The following STRIP2 variants were observed in gnomAD, a reference collection of about 807,000 sequenced individuals.
The protein encoded by STRIP2 is striatin-interacting protein 2.
Under a neutral mutation model 107.1 loss-of-function variants are expected in STRIP2, and 84 were observed. The ratio of observed to expected loss-of-function variants is 0.78; its 90% CI spans 0.66 to 0.94. STRIP2 has a LOEUF of 0.94. STRIP2 is among the 40% of genes least tolerant of loss of function. The pLI, the probability that STRIP2 is intolerant of heterozygous loss-of-function variation, is 0.00. For synonymous variants in STRIP2, 394 were observed against 400.4 expected, an observed-to-expected ratio of 0.98 and a Z score of 0.19; for missense variants, 888 against 1,034.2, an observed-to-expected ratio of 0.86 and a Z score of 1.94.
intron 16 of STRIP2, among the ~76,000 whole-genome samples, chr7:129,465,245 A>G (rs965274511): frequency 1.7e-4 from 26 of 152,154 alleles, no homozygotes; most frequent in African/African-American, 5.1e-4. Flanking sequence ...ACTGGTTGCT[A>G]TGGAAACATC....
intron 16 of STRIP2, among the ~76,000 whole-genome samples, chr7:129,465,455 C>G (rs1798647992): frequency 6.6e-6 from 1 of 152,102 alleles, no homozygotes; most frequent in African/African-American, 2.4e-5. Flanking sequence ...GGAGTTCTGC[C>G]TGGGGCGGGG....
At chr7:129,459,229 C>T (rs888761377) in intron 11 of STRIP2, among the ~76,000 whole-genome samples, 1 of 152,124 alleles carries the variant, frequency 6.6e-6, no homozygotes, top group Non-Finnish European at 1.5e-5. Context: ...GTCAAGGTGT[C>T]ATTGGGCTAT....
rs1255110009 is a variant in STRIP2, at chr7:129,463,955, CTT to C, written c.1552-85_1552-84del. 8 of 1,011,634 alleles carry C rather than the reference CTT, an allele frequency of 7.9e-6. No homozygotes were observed. In the East Asian group the frequency reaches 1.7e-4, roughly 22 times the overall value. The allele number at this position is 1,011,634 out of a possible 1,614,324, so 62.7% of individuals were successfully genotyped here. On this transcript the variant is annotated intron_variant, in intron 14 of 20. Coordinates refer to ENST00000249344, the MANE Select transcript of STRIP2 (RefSeq NM_020704.3). ...GAACTTACAGAATGGCTTTAAAACACTTTTTATAGGGCGGTTAGGGTGTGGAA... is the reference window on the plus strand; with the variant it reads ...GAACTTACAGAATGGCTTTAAAACACTTTATAGGGCGGTTAGGGTGTGGAA...
chr7:129,441,336 C>T (rs1223369236), intron 2 of STRIP2, among the ~76,000 whole-genome samples: 2 of 151,956 alleles, frequency 1.3e-5, no homozygotes, highest in African/African-American at 4.8e-5. Context: ...AAGATGTGCA[C>T]ATATTGTGAC....
chr7:129,439,991 C>A (rs746275880), intron 1 of STRIP2, 31 bp from the exon 2 acceptor site: 1 of 1,592,600 alleles, frequency 6.3e-7, no homozygotes, highest in Non-Finnish European at 8.6e-7. Flanking sequence ...TCCAAGTTAT[C>A]CCAGTTACCA....
intron 3 of STRIP2, among the ~76,000 whole-genome samples, chr7:129,448,575 T>A (rs1798098550): frequency 6.6e-6 from 1 of 152,172 alleles, no homozygotes; most frequent in Non-Finnish European, 1.5e-5. Flanking sequence ...GTTTTCTGCT[T>A]GTATAAAGTA....
intron 8 of STRIP2, among the ~76,000 whole-genome samples, chr7:129,456,152 T>G (rs1391506208): frequency 6.7e-6 from 1 of 149,420 alleles, no homozygotes; most frequent in Non-Finnish European, 1.5e-5. Context: ...TTTTTTTTCT[T>G]TTTTTTTTTT....
At chr7:129,472,776 C>CTTTTTT (rs1798822125) in intron 18 of STRIP2, among the ~76,000 whole-genome samples, 8 of 78,262 alleles carry the variant, frequency 1.0e-4, no homozygotes, top group South Asian at 4.1e-4. Context: ...TTTTCTTTTC[C>CTTTTTT]TTTTTTTTTT....
intron 4 of STRIP2, 35 bp downstream of exon 4, chr7:129,451,782 G>C: frequency 6.2e-7 from 1 of 1,611,314 alleles, no homozygotes; most frequent in Non-Finnish European, 8.5e-7. Flanking sequence ...TAGAGGGGTG[G>C]AGGCTTGAGA....
Position 129,444,058 on chromosome 7 carries a change from C to A in STRIP2, c.234C>A (p.Thr78=). The change falls in exon 3 of 21, where the codon ACC becomes ACA. Residue 78 remains threonine (T), a synonymous_variant. Coordinates refer to ENST00000249344, the MANE Select transcript of STRIP2 (RefSeq NM_020704.3). ...LYSYTENLEF[T]NNRRCFEEDF... is the part of the protein sequence containing the mutation. Reference sequence around the variant, plus strand: ...GTTACACTGAGAACCTGGAATTCACCAATAACAGGAGGTGCTTTGAAGAAG... The same window carrying A: ...GTTACACTGAGAACCTGGAATTCACAAATAACAGGAGGTGCTTTGAAGAAG... The A allele has an allele frequency of 6.2e-7, 1 of 1,613,708 alleles. No homozygotes were observed.
At chr7:129,477,044 GCGCGCC>G (rs1798977106) in intron 18 of STRIP2, among the ~76,000 whole-genome samples, 1 of 151,630 alleles carries the variant, frequency 6.6e-6, no homozygotes, top group Admixed American at 6.6e-5. Context: ...GCGTGGCGGC[GCGCGCC>G]TGCAATCGCA....
chr7:129,481,935 A>G (rs1255863108), intron 19 of STRIP2, among the ~76,000 whole-genome samples: 2 of 152,036 alleles, frequency 1.3e-5, no homozygotes, highest in African/African-American at 4.8e-5. Context: ...CGGAAGGCCA[A>G]GGTGGGAGGA....
rs150647404 is a variant in STRIP2 at position 129,474,767 on chromosome 7, C to T, written c.1944+4052C>T. Among the ~76,000 whole-genome samples the T allele has an allele frequency of 2.5e-3, 381 of 152,324 alleles. 2 individuals carry two copies. The highest frequency in any genetic ancestry group is 7.7e-3 in the African/African-American group (318 of 41,568). On this transcript the variant is annotated intron_variant, in intron 18 of 20. Coordinates refer to ENST00000249344, the MANE Select transcript of STRIP2 (RefSeq NM_020704.3). ...CCACAAATGATCCACCTGCCTCAGC[C>T]TCCCAAAGTGCTGGGATTATAGGCC...
intron 3 of STRIP2, among the ~76,000 whole-genome samples, chr7:129,446,842 C>A (rs959596285): frequency 3.9e-5 from 6 of 152,174 alleles, no homozygotes; most frequent in African/African-American, 1.4e-4. Context: ...CTGTGCACGA[C>A]CCACTTTATG....
chr7:129,484,070 C>A (rs1406505152), intron 20 of STRIP2, among the ~76,000 whole-genome samples: 1 of 152,166 alleles, frequency 6.6e-6, no homozygotes, highest in Non-Finnish European at 1.5e-5. Context: ...CCACCTCCAC[C>A]ATTAATGCTA....
rs1474322973 is a variant in STRIP2 at position 129,486,658 on chromosome 7, A to G, written c.*829A>G. The stretch of plus-strand genomic sequence containing the variant: ...TCATCTAATTCATTTTTTAAATGAC[A>G]AGTTAACTACAGGAGGCTTTATTTA... On this transcript the variant is annotated 3_prime_UTR_variant, in exon 21 of 21. Transcript: ENST00000249344. 6.7e-6 allele frequency: 1 copy of G among 148,246 alleles called. No homozygotes were observed. The highest frequency in any genetic ancestry group is 6.8e-5 in the Admixed American group (1 of 14,796). The allele number at this position is 148,246 out of a possible 1,614,324, so 9.2% of individuals were successfully genotyped here.
At chr7:129,448,372 C>T (rs1463008154) in intron 3 of STRIP2, among the ~76,000 whole-genome samples, 2 of 152,168 alleles carry the variant, frequency 1.3e-5, no homozygotes, top group Admixed American at 1.3e-4. Context: ...CAGAGGTCTT[C>T]TTGGGGAAGG....
intron 18 of STRIP2, among the ~76,000 whole-genome samples, chr7:129,471,984 A>G: frequency 6.8e-6 from 1 of 147,310 alleles, no homozygotes; most frequent in Non-Finnish European, 1.5e-5. Flanking sequence ...CAAGTTTTTT[A>G]TTAAAAAAAA....
intron 19 of STRIP2, among the ~76,000 whole-genome samples, chr7:129,482,371 ATATATATTT>A (rs1368168057): frequency 9.5e-5 from 8 of 84,190 alleles, no homozygotes; most frequent in African/African-American, 2.7e-4. Flanking sequence ...ATATATATAT[ATATATATTT>A]TTTTTTTTTT....
Sources: gnomAD v4.1 joint callset for allele counts (sites outside exome capture counted in the v4.1 genomes callset) on GRCh38, gnomAD v4.1.1 for gene constraint, MANE v1.5 for transcripts, NCBI Gene and HGNC (gene_info 2026-07-23, HGNC 2026-07-21) for gene names.